Variants in RCAN1 observed in about 807,000 individuals in gnomAD.
The protein encoded by RCAN1 is calcipressin-1.
Under a neutral mutation model 22.9 loss-of-function variants are expected in RCAN1, and 11 were observed. The ratio of observed to expected loss-of-function variants is 0.48; its 90% CI spans 0.30 to 0.79. RCAN1 has a LOEUF of 0.79. Among genes scored for constraint, RCAN1 ranks in the 30% least tolerant of loss-of-function variants. The pLI is 0.06. For synonymous variants in RCAN1, 136 were observed against 142.3 expected, an observed-to-expected ratio of 0.96 and a Z score of 0.32; for missense variants, 291 against 337.8, an observed-to-expected ratio of 0.86 and a Z score of 1.09.
chr21:34,548,816 T>A (rs942833626), intron 1 of RCAN1, among the ~76,000 whole-genome samples: 26 of 152,234 alleles, frequency 1.7e-4, no homozygotes, highest in African/African-American at 6.3e-4. Context: ...CTTAGTGCCA[T>A]CTAAATAAAA....
intron 1 of RCAN1, among the ~76,000 whole-genome samples, chr21:34,572,255 C>T (rs1338746671): frequency 6.6e-6 from 1 of 152,176 alleles, no homozygotes; most frequent in Non-Finnish European, 1.5e-5. Flanking sequence ...TGTCCGAGGG[C>T]TGGACTCATC....
intron 1 of RCAN1, among the ~76,000 whole-genome samples, chr21:34,535,831 CT>C (rs201073056): frequency 0.01 from 1,512 of 145,464 alleles, 15 homozygotes; most frequent in Non-Finnish European, 0.016. Context: ...ATGCTAAAGA[CT>C]TTTTTTTTAG....
At chr21:34,560,731 A>T (rs1397761977) in intron 1 of RCAN1, among the ~76,000 whole-genome samples, 1 of 152,250 alleles carries the variant, frequency 6.6e-6, no homozygotes, top group Non-Finnish European at 1.5e-5. Context: ...ATGATTTCAC[A>T]AAGACATCAG....
chr21:34,583,164 G>T (rs1192316632), intron 1 of RCAN1, among the ~76,000 whole-genome samples: 3 of 147,062 alleles, frequency 2.0e-5, no homozygotes, highest in Non-Finnish European at 4.5e-5. Context: ...GGACTACACA[G>T]TTGGCGATAG....
At chr21:34,535,328 T>C (rs1372172031) in intron 1 of RCAN1, among the ~76,000 whole-genome samples, 2 of 152,168 alleles carry the variant, frequency 1.3e-5, no homozygotes, top group Non-Finnish European at 2.9e-5. Context: ...GGAGTGTATT[T>C]CTCTTAGTAT....
intron 1 of RCAN1, among the ~76,000 whole-genome samples, chr21:34,529,822 G>A (rs1396302719): frequency 6.6e-6 from 1 of 152,184 alleles, no homozygotes; most frequent in African/African-American, 2.4e-5. Flanking sequence ...CATATTGTGG[G>A]AGGGACCCAG....
At chr21:34,546,324 G>T (rs1986135412) in intron 1 of RCAN1, among the ~76,000 whole-genome samples, 1 of 151,228 alleles carries the variant, frequency 6.6e-6, no homozygotes, top group Admixed American at 6.6e-5. Context: ...ACATTAAAAT[G>T]CTGACTTTAC....
chr21:34,599,814 G>A (rs67060750), intron 1 of RCAN1, among the ~76,000 whole-genome samples: 8,988 of 152,230 alleles, frequency 0.059, 405 homozygotes, highest in Non-Finnish European at 0.089. Flanking sequence ...TCTATAGTTG[G>A]TGCCTACTAT....
intron 1 of RCAN1, among the ~76,000 whole-genome samples, chr21:34,537,036 A>G (rs978018208): frequency 2.0e-5 from 3 of 152,212 alleles, no homozygotes; most frequent in Non-Finnish European, 4.4e-5. Context: ...TTTGGCCTGC[A>G]TTCTTTGCTG....
rs937969713 is a variant in RCAN1 at position 34,520,295 on chromosome 21, T to G, written c.586+1204A>C. ...TGCCTCTGGAACTGTGGACACCTCT[T>G]TGCAAGTGGAGACCCTGTTTTCTCC... On this transcript the variant is annotated intron_variant, in intron 3 of 3. Coordinates refer to ENST00000313806, the MANE Select transcript of RCAN1 (RefSeq NM_004414.7). Among the ~76,000 whole-genome samples the G allele has an allele frequency of 3.9e-5, 6 of 152,158 alleles. No homozygotes were observed. In the East Asian group the frequency reaches 1.2e-3, roughly 29 times the overall value.
At chr21:34,596,282 C>T (rs1264589125) in intron 1 of RCAN1, among the ~76,000 whole-genome samples, 2 of 152,212 alleles carry the variant, frequency 1.3e-5, no homozygotes, top group African/African-American at 4.8e-5. Flanking sequence ...TTCCTGCCCT[C>T]CAGAAAAAGC....
intron 1 of RCAN1, among the ~76,000 whole-genome samples, chr21:34,576,638 T>G (rs1384360044): frequency 6.6e-6 from 1 of 152,234 alleles, no homozygotes; most frequent in African/African-American, 2.4e-5. Flanking sequence ...AACAATGTAC[T>G]AGCACTGGAG....
intron 1 of RCAN1, among the ~76,000 whole-genome samples, chr21:34,564,214 C>A (rs1986921420): frequency 6.6e-6 from 1 of 152,144 alleles, no homozygotes; most frequent in Non-Finnish European, 1.5e-5. Context: ...CACGATCTGA[C>A]CACCTCCACC....
At chr21:34,575,341 T>TCTTCCTCCTTCC (rs1223748065) in intron 1 of RCAN1, among the ~76,000 whole-genome samples, 27 of 152,210 alleles carry the variant, frequency 1.8e-4, no homozygotes, top group Admixed American at 6.5e-5. Context: ...TTCCTCCTTC[T>TCTTCCTCCTTCC]CTTCCTCCTT....
intron 3 of RCAN1, among the ~76,000 whole-genome samples, chr21:34,520,654 G>T (rs529763615): frequency 1.8e-4 from 27 of 152,316 alleles, no homozygotes; most frequent in African/African-American, 6.5e-4. Context: ...CACGGACAGA[G>T]CAGGAGAAGG....
Position 34,531,678 on chromosome 21 carries a change from G to A in RCAN1, c.253-7968C>T, listed in dbSNP as rs185507025. On this transcript the variant is annotated intron_variant, in intron 1 of 3. Transcript: ENST00000313806. ...TAGCCCAGGCAGACTGTTCAAGGTCGTCTTGTGTCTTTCTTGTCACATATC... is the reference window on the plus strand; with the variant it reads ...TAGCCCAGGCAGACTGTTCAAGGTCATCTTGTGTCTTTCTTGTCACATATC... 2.0e-3 allele frequency among the ~76,000 whole-genome samples: 301 copies of A among 152,216 alleles called. 2 individuals carry two copies. Among genetic ancestry groups the A allele is most frequent in the Non-Finnish European group, 9.7e-4 (66 of 68,022 alleles).
chr21:34,591,000 C>CTGTTCTGT (rs1987953989), intron 1 of RCAN1, among the ~76,000 whole-genome samples: 2 of 152,156 alleles, frequency 1.3e-5, no homozygotes, highest in Admixed American at 1.3e-4. Context: ...ATGATCCGTG[C>CTGTTCTGT]ACAGCGAGGC....
intron 1 of RCAN1, among the ~76,000 whole-genome samples, chr21:34,613,407 G>A (rs1008829187): frequency 3.3e-5 from 5 of 152,166 alleles, no homozygotes; most frequent in African/African-American, 9.7e-5. Context: ...TACCTATCCC[G>A]TAGCGAAGTC....
chr21:34,578,834 G>A (rs529505100), intron 1 of RCAN1, among the ~76,000 whole-genome samples: 64 of 152,296 alleles, frequency 4.2e-4, no homozygotes, highest in Non-Finnish European at 7.4e-4. Context: ...TGGCCACTCG[G>A]TTGGGCTGTG....
Sources: gnomAD v4.1 joint callset for allele counts (sites outside exome capture counted in the v4.1 genomes callset) on GRCh38, gnomAD v4.1.1 for gene constraint, MANE v1.5 for transcripts, NCBI Gene and HGNC (gene_info 2026-07-23, HGNC 2026-07-21) for gene names.